The following TOMM40 variants were observed in gnomAD, a reference collection of about 807,000 sequenced individuals.
TOMM40 encodes translocase of outer mitochondrial membrane 40.
Under a neutral mutation model 38.4 loss-of-function variants are expected in TOMM40, and 9 were observed. The observed-to-expected ratio is 0.23, with a 90% CI of 0.14 to 0.41. TOMM40 has a LOEUF of 0.41. TOMM40 is among the 10% of genes least tolerant of loss of function. TOMM40 has a pLI of 1.00. For synonymous variants in TOMM40, 184 were observed against 210.0 expected (o/e 0.88, Z 1.07); for missense variants, 299 against 486.5 (o/e 0.61, Z 3.63).
chr19:44,892,591 T>G (rs536837067), intron 2 of TOMM40, 131 bp downstream of exon 2: 2 of 904,134 alleles, frequency 2.2e-6, no homozygotes, highest in Middle Eastern at 3.3e-4. Context: ...CTCGGAGATA[T>G]AGTGCCAGAC....
Position 44,896,440 on chromosome 19 carries a change from G to A in TOMM40, c.643+2374G>A, listed in dbSNP as rs558337246. ...AGTGAAGGAGTCCATGAGAGGGCCCGACTTCTCGGCCTCAGCACTGGGCCA... is the reference window on the plus strand; with the variant it reads ...AGTGAAGGAGTCCATGAGAGGGCCCAACTTCTCGGCCTCAGCACTGGGCCA... On this transcript the variant is annotated intron_variant, in intron 5 of 8. Transcript: ENST00000426677. Among the ~76,000 whole-genome samples, 30 of 152,318 alleles carry A rather than the reference G, an allele frequency of 2.0e-4. No individual in the cohort carries two copies. In the South Asian group the frequency reaches 4.3e-3, roughly 22 times the overall value.
intron 1 of TOMM40, 100 bp downstream of exon 1, chr19:44,891,789 T>C: frequency 8.2e-7 from 1 of 1,222,166 alleles, no homozygotes; most frequent in Non-Finnish European, 1.1e-6. Flanking sequence ...CCATTGGAAT[T>C]ATTTAACAGC....
chr19:44,894,837 T>C (rs1969536079), intron 5 of TOMM40, among the ~76,000 whole-genome samples: 2 of 152,146 alleles, frequency 1.3e-5, no homozygotes, highest in Admixed American at 1.3e-4. Context: ...TGGCCTTCGC[T>C]CTGAGTGAGT....
chr19:44,897,358 C>G (rs1302437887), intron 5 of TOMM40, among the ~76,000 whole-genome samples: 1 of 152,134 alleles, frequency 6.6e-6, no homozygotes, highest in Non-Finnish European at 1.5e-5. Context: ...GCTGCTTTTC[C>G]CTCTGGGCTT....
chr19:44,892,261 C>G (rs974219877), intron 1 of TOMM40, 132 bp from the exon 2 acceptor site: 1 of 900,252 alleles, frequency 1.1e-6, no homozygotes, highest in Non-Finnish European at 1.8e-6. Flanking sequence ...GCTGTACTGC[C>G]TCTTTACAGG....
Position 44,891,350 on chromosome 19 carries a change from TG to T in TOMM40, c.-62del. 1 of 1,223,658 alleles carries T rather than the reference TG, an allele frequency of 8.2e-7. No individual in the cohort carries two copies. Among genetic ancestry groups the T allele is most frequent in the South Asian group, 3.9e-5 (1 of 25,894 alleles). 75.8% of individuals were successfully genotyped at this position (1,223,658 alleles called of 1,614,324 possible). A position where few individuals can be genotyped will look rare whatever the true frequency, so the allele number is the denominator to read the frequency against. On this transcript the variant is annotated 5_prime_UTR_variant, in exon 1 of 9. Transcript: ENST00000426677. The stretch of plus-strand genomic sequence containing the variant: ...GGGCCGGAGCCGGGTGCGGATTTGC[TG>T]GGGCTGAGTCGGGGGCGCGCGGGCC...
At chr19:44,898,517 TTTTTTTTC>T (rs1207685633) in intron 5 of TOMM40, among the ~76,000 whole-genome samples, 3 of 137,918 alleles carry the variant, frequency 2.2e-5, no homozygotes, top group Non-Finnish European at 4.6e-5. Flanking sequence ...GTTTCTTTTT[TTTTTTTTC>T]TTTTTTTTTT....
chr19:44,894,944 C>T lies in TOMM40; in HGVS notation c.643+878C>T, dbSNP rs115908094. 4.6e-3 allele frequency among the ~76,000 whole-genome samples: 695 copies of T among 152,134 alleles called. 1 individual carries two copies. Among genetic ancestry groups the T allele is most frequent in the African/African-American group, 0.016 (649 of 41,482 alleles). On this transcript the variant is annotated intron_variant, in intron 5 of 8. Coordinates refer to ENST00000426677, the MANE Select transcript of TOMM40 (RefSeq NM_001128917.2). ...GGGGGTACCACTGGGAGGGAGTGGA[C>T]GGGGAGAGGAGGTTGGATTCTGGAT...
rs952017313 is a variant in TOMM40 at position 44,903,282 on chromosome 19, G to A, written c.*113G>A. 1.1e-4 allele frequency: 116 copies of A among 1,056,604 alleles called. No individual in the cohort carries two copies. Among genetic ancestry groups the A allele is most frequent in the Non-Finnish European group, 1.3e-4 (101 of 804,548 alleles). 65.5% of individuals were successfully genotyped at this position (1,056,604 alleles called of 1,614,324 possible). A position where few individuals can be genotyped will look rare whatever the true frequency, so the allele number is the denominator to read the frequency against. On this transcript the variant is annotated 3_prime_UTR_variant, in exon 9 of 9. Transcript: ENST00000426677. The stretch of plus-strand genomic sequence containing the variant: ...TCCCTTCCCTCCCCCCTTGGGGGTC[G>A]GGGGGGACATTGGAAAGGAGGGACC...
At position 44,893,754 on chromosome 19, in the gene TOMM40, C is replaced by T. The variant is rs779580782; in HGVS notation, c.436-26C>T. 5.0e-6 allele frequency: 8 copies of T among 1,602,032 alleles called. No individual in the cohort carries two copies. In the East Asian group the frequency reaches 1.1e-4, roughly 22 times the overall value. ...TACTTGCACAGTGCACCACCTCTGA[C>T]CCCTTCCGTTCTCTCTGCCTCACAG... On this transcript the variant is annotated intron_variant, in intron 3 of 8. Transcript: ENST00000426677.
chr19:44,895,158 G>A (rs1969541763), intron 5 of TOMM40, among the ~76,000 whole-genome samples: 2 of 152,170 alleles, frequency 1.3e-5, no homozygotes, highest in South Asian at 2.1e-4. Flanking sequence ...GTGCAGGCGG[G>A]GAGGGGAGCT....
Position 44,901,195 on chromosome 19 carries a change from C to T in TOMM40, c.844-13C>T. 6.2e-7 allele frequency: 1 copy of T among 1,614,038 alleles called. No individual in the cohort carries two copies. Among genetic ancestry groups the T allele is most frequent in the South Asian group, 1.1e-5 (1 of 91,066 alleles). On this transcript the variant is annotated splice_polypyrimidine_tract_variant and intron_variant, in intron 7 of 8. Coordinates refer to ENST00000426677, the MANE Select transcript of TOMM40 (RefSeq NM_001128917.2). Reference sequence around the variant, plus strand: ...CACTTGCTAATTCTCATGTGTTGCTCCGGCCCCTCCAGCTGCAGGTGGGTG... The same window carrying T: ...CACTTGCTAATTCTCATGTGTTGCTTCGGCCCCTCCAGCTGCAGGTGGGTG...
rs1969725764 is a variant in TOMM40, at chr19:44,903,543, G to A, written c.*374G>A. ...CCGCCCCGAGGGGGCAGCGAGAGGA[G>A]CTTCCCCATCCCCGGTCAGTCCACC... On this transcript the variant is annotated 3_prime_UTR_variant, in exon 9 of 9. Coordinates refer to ENST00000426677, the MANE Select transcript of TOMM40 (RefSeq NM_001128917.2). The A allele has an allele frequency of 4.9e-6, 1 of 203,494 alleles. No individual in the cohort carries two copies. Among genetic ancestry groups the A allele is most frequent in the African/African-American group, 2.4e-5 (1 of 42,450 alleles). The allele number at this position is 203,494 out of a possible 1,614,324, so 12.6% of individuals were successfully genotyped here.
chr19:44,900,568 G>A (rs1016559221), intron 5 of TOMM40, among the ~76,000 whole-genome samples, 162 bp from the exon 6 acceptor site: 1 of 152,184 alleles, frequency 6.6e-6, no homozygotes, highest in Non-Finnish European at 1.5e-5. Context: ...TGACCTCAGC[G>A]GTAGGGAACC....
intron 5 of TOMM40, among the ~76,000 whole-genome samples, chr19:44,896,448 G>C (rs534333255): frequency 6.6e-6 from 1 of 152,240 alleles, no homozygotes; most frequent in East Asian, 1.9e-4. Flanking sequence ...CCGACTTCTC[G>C]GCCTCAGCAC....
rs770731937 is a variant in TOMM40, at chr19:44,901,270, G to A, written c.906G>A (p.Gly302=). The change falls in exon 8 of 9, where the codon GGG becomes GGA. Residue 302 remains glycine (G), a synonymous_variant. Transcript: ENST00000426677. ...TRMQDTSVSF[G]YQLDLPKANL... The stretch of plus-strand genomic sequence containing the variant: ...TGCAGGACACCAGCGTCTCCTTCGG[G>A]TACCAGCTGGACCTGCCCAAGGCCA... 1 of 1,614,084 alleles carries A rather than the reference G, an allele frequency of 6.2e-7. No homozygotes were observed. Among genetic ancestry groups the A allele is most frequent in the Non-Finnish European group, 8.5e-7 (1 of 1,180,000 alleles).
intron 5 of TOMM40, among the ~76,000 whole-genome samples, chr19:44,898,479 C>A (rs1969609726): frequency 6.6e-6 from 1 of 151,362 alleles, no homozygotes; most frequent in East Asian, 1.9e-4. Flanking sequence ...CCCTCTTCCC[C>A]CTTCATTTCT....
intron 5 of TOMM40, among the ~76,000 whole-genome samples, chr19:44,899,132 CAA>C (rs531167978): frequency 3.8e-4 from 31 of 82,592 alleles, no homozygotes; most frequent in African/African-American, 7.6e-4. Context: ...GACTCCATCT[CAA>C]AAAAAAAAAA....
intron 5 of TOMM40, among the ~76,000 whole-genome samples, chr19:44,897,278 T>A (rs1969583555): frequency 6.6e-6 from 1 of 151,812 alleles, no homozygotes. Context: ...TACTTGAGGG[T>A]CTCATGGCCT....
Sources: gnomAD v4.1 joint callset for allele counts (sites outside exome capture counted in the v4.1 genomes callset) on GRCh38, gnomAD v4.1.1 for gene constraint, MANE v1.5 for transcripts, NCBI Gene and HGNC (gene_info 2026-07-23, HGNC 2026-07-21) for gene names.